MARCHF6: variants seen among roughly 807,000 people sequenced by gnomAD.
The protein encoded by MARCHF6 is E3 ubiquitin-protein ligase MARCHF6.
MARCHF6 carries 31 observed loss-of-function variants against 133.7 expected under a neutral mutation model. That is an observed-to-expected ratio of 0.23 (90% CI 0.17 to 0.31). MARCHF6 has a LOEUF of 0.31. Among genes scored for constraint, MARCHF6 ranks in the 10% least tolerant of loss-of-function variants. The pLI is 1.00. For missense variants in MARCHF6, 723 were observed against 1,121.6 expected, an observed-to-expected ratio of 0.64 and a Z score of 5.08; for synonymous variants, 395 against 402.5, an observed-to-expected ratio of 0.98 and a Z score of 0.22.
At chr5:10,375,915 C>T (rs1482103819) in intron 1 of MARCHF6, among the ~76,000 whole-genome samples, 2 of 152,124 alleles carry the variant, frequency 1.3e-5, no homozygotes, top group African/African-American at 2.4e-5. Flanking sequence ...CTGGTGGGGC[C>T]TTGGAGAACT....
rs1740529128 is a variant in MARCHF6 at position 10,434,798 on chromosome 5, T to G, written c.*1114T>G. 6.6e-6 allele frequency: 1 copy of G among 152,636 alleles called. No homozygotes were observed. The highest frequency in any genetic ancestry group is 6.5e-5 in the Admixed American group (1 of 15,282). 9.5% of individuals were successfully genotyped at this position (152,636 alleles called of 1,614,324 possible). ...AAATCCCAAAGTTTCCAAAGCTTTT[T>G]GTTTACAGAATAAAACTTCAAATAA... is the stretch of plus-strand genomic sequence containing the variant. On this transcript the variant is annotated 3_prime_UTR_variant, in exon 26 of 26. Transcript: ENST00000274140.
chr5:10,410,983 C>T (rs541804515), intron 18 of MARCHF6, among the ~76,000 whole-genome samples: 1 of 152,270 alleles, frequency 6.6e-6, no homozygotes, highest in South Asian at 2.1e-4. Context: ...TAAGTATGTA[C>T]TTACACCTTG....
intron 1 of MARCHF6, among the ~76,000 whole-genome samples, chr5:10,365,457 C>T (rs1419319780): frequency 6.6e-6 from 1 of 152,116 alleles, no homozygotes; most frequent in Non-Finnish European, 1.5e-5. Context: ...TATGCCACCA[C>T]ACCTGGCTAA....
At chr5:10,363,842 T>G (rs1333463672) in intron 1 of MARCHF6, among the ~76,000 whole-genome samples, 2 of 152,168 alleles carry the variant, frequency 1.3e-5, no homozygotes, top group Non-Finnish European at 2.9e-5. Flanking sequence ...ATAAGTGAAA[T>G]AAGCCAGTCA....
chr5:10,432,804 T>C (rs1740432779), intron 25 of MARCHF6, among the ~76,000 whole-genome samples: 1 of 152,220 alleles, frequency 6.6e-6, no homozygotes, highest in Non-Finnish European at 1.5e-5. Flanking sequence ...CTCACTGCAA[T>C]GCTGTCTTCC....
rs1164611711 is a variant in MARCHF6 at position 10,378,786 on chromosome 5, A to G, written c.144A>G (p.Arg48=). Residue 48 remains arginine, a synonymous_variant, in exon 3 of 26, where the codon CGA becomes CGG. Coordinates refer to ENST00000274140, the MANE Select transcript of MARCHF6 (RefSeq NM_005885.4). The part of the protein sequence containing the change: ...ECLVQWLKHS[R]KEYCELCKHR... Reference sequence around the variant, plus strand: ...TAGTTCAATGGCTGAAACACAGTCGAAAAGAATACTGTGAATTATGCAAGC... The same window carrying G: ...TAGTTCAATGGCTGAAACACAGTCGGAAAGAATACTGTGAATTATGCAAGC... 6.2e-7 allele frequency: 1 copy of G among 1,609,608 alleles called. No homozygotes were observed.
chr5:10,423,865 G>A (rs1739946912), intron 23 of MARCHF6, 41 bp downstream of exon 23: 5 of 1,466,618 alleles, frequency 3.4e-6, no homozygotes, highest in Non-Finnish European at 4.8e-6. Flanking sequence ...TTCTGGAATT[G>A]GTTGTGTTTA....
intron 22 of MARCHF6, among the ~76,000 whole-genome samples, chr5:10,421,091 A>G (rs1482559175): frequency 6.6e-6 from 1 of 152,178 alleles, no homozygotes; most frequent in African/African-American, 2.4e-5. Flanking sequence ...GGTGGTCTTT[A>G]CAGTACTCAG....
chr5:10,411,572 T>C (rs550849975), intron 19 of MARCHF6, 35 bp downstream of exon 19: 3 of 1,521,270 alleles, frequency 2.0e-6, no homozygotes, highest in Non-Finnish European at 2.7e-6. Flanking sequence ...CATATAGAGG[T>C]TTTTTTGGTT....
rs1397754403 is a variant in MARCHF6, at chr5:10,353,782, C to T, written c.-117C>T. On this transcript the variant is annotated 5_prime_UTR_variant, in exon 1 of 26. Coordinates refer to ENST00000274140, the MANE Select transcript of MARCHF6 (RefSeq NM_005885.4). ...CCCTCTCCTTCCTCTCGCTTCCTCT[C>T]TCGCACCTGAGCGTACGCACCTGCC... is the stretch of plus-strand genomic sequence containing the variant. 4.7e-6 allele frequency: 4 copies of T among 859,600 alleles called. No individual in the cohort carries two copies. The highest frequency in any genetic ancestry group is 1.8e-5 in the African/African-American group (1 of 56,618). The allele number at this position is 859,600 out of a possible 1,614,324, so 53.2% of individuals were successfully genotyped here.
At chr5:10,420,487 T>C (rs949782418) in intron 22 of MARCHF6, among the ~76,000 whole-genome samples, 1 of 152,180 alleles carries the variant, frequency 6.6e-6, no homozygotes, top group African/African-American at 2.4e-5. Context: ...TCAAGCAAAG[T>C]ACTGCTGCAA....
chr5:10,390,691 T>C (rs553390365), intron 6 of MARCHF6, among the ~76,000 whole-genome samples, 191 bp downstream of exon 6: 13 of 152,348 alleles, frequency 8.5e-5, no homozygotes, highest in African/African-American at 3.1e-4. Context: ...ATTACGACTT[T>C]GCCTCTTAAT....
chr5:10,353,870 G>T lies in MARCHF6; in HGVS notation c.-29G>T. 1 of 1,558,696 alleles carries T rather than the reference G, an allele frequency of 6.4e-7. No homozygotes were observed. The highest frequency in any genetic ancestry group is 8.6e-7 in the Non-Finnish European group (1 of 1,156,426). ...CCCGCCCGGCCGCGGGAGCCTCGTG[G>T]CTGCGTCACCGCCGCCCCCCCAGAC... On this transcript the variant is annotated 5_prime_UTR_variant, in exon 1 of 26. Transcript: ENST00000274140.
In MARCHF6 at chr5:10,353,785, G is replaced by A; in HGVS notation, c.-114G>A. 1 of 852,450 alleles carries A rather than the reference G, an allele frequency of 1.2e-6. No individual in the cohort carries two copies. The highest frequency in any genetic ancestry group is 1.8e-6 in the Non-Finnish European group (1 of 553,878). 52.8% of individuals were successfully genotyped at this position (852,450 alleles called of 1,614,324 possible). On this transcript the variant is annotated 5_prime_UTR_variant, in exon 1 of 26. Transcript: ENST00000274140. ...TCTCCTTCCTCTCGCTTCCTCTCTC[G>A]CACCTGAGCGTACGCACCTGCCCGG...
chr5:10,397,858 G>T (rs919200340), intron 10 of MARCHF6, among the ~76,000 whole-genome samples: 1 of 152,136 alleles, frequency 6.6e-6, no homozygotes, highest in Non-Finnish European at 1.5e-5. Context: ...GCACTTCTGC[G>T]AGGGCAGCTG....
chr5:10,389,912 C>T (rs921632883), intron 5 of MARCHF6, among the ~76,000 whole-genome samples: 3 of 152,146 alleles, frequency 2.0e-5, no homozygotes, highest in Non-Finnish European at 4.4e-5. Context: ...GATACAGAAA[C>T]TCTTAGAGTT....
At position 10,411,549 on chromosome 5, in the gene MARCHF6, A is replaced by G; in HGVS notation, c.1896+12A>G. The G allele has an allele frequency of 3.1e-6, 5 of 1,599,432 alleles. No homozygotes were observed. Among genetic ancestry groups the G allele is most frequent in the Non-Finnish European group, 3.4e-6 (4 of 1,174,128 alleles). Reference sequence around the variant, plus strand: ...ATTTTCCACTCAGGGTAGGTGCTATACAGACTTAATCACATATAGAGGTTT... The same window carrying G: ...ATTTTCCACTCAGGGTAGGTGCTATGCAGACTTAATCACATATAGAGGTTT... On this transcript the variant is annotated intron_variant, in intron 19 of 25. Transcript: ENST00000274140.
chr5:10,402,309 C>A, intron 12 of MARCHF6, 75 bp from the exon 13 acceptor site: 2 of 1,347,708 alleles, frequency 1.5e-6, no homozygotes, highest in Non-Finnish European at 1.1e-6. Flanking sequence ...TCAAAAAATA[C>A]TAAATGTTGG....
At chr5:10,368,464 C>G (rs773645086) in intron 1 of MARCHF6, among the ~76,000 whole-genome samples, 2 of 152,116 alleles carry the variant, frequency 1.3e-5, no homozygotes, top group African/African-American at 4.8e-5. Context: ...GATAGAGAGA[C>G]CCTGCCTCTA....
Sources: gnomAD v4.1 joint callset for allele counts (sites outside exome capture counted in the v4.1 genomes callset) on GRCh38, gnomAD v4.1.1 for gene constraint, MANE v1.5 for transcripts, NCBI Gene and HGNC (gene_info 2026-07-23, HGNC 2026-07-21) for gene names.